UGCG: variants seen among roughly 807,000 people sequenced by gnomAD.
The protein encoded by UGCG is ceramide glucosyltransferase.
A neutral mutation model predicts 49.5 loss-of-function variants in UGCG; 10 were observed. That is an observed-to-expected ratio of 0.20 (90% CI 0.12 to 0.34). The LOEUF (loss-of-function observed/expected upper bound fraction) is 0.34. UGCG is among the 10% of genes least tolerant of loss of function. The pLI is 1.00. For synonymous variants in UGCG, 182 were observed against 158.2 expected, an observed-to-expected ratio of 1.15 and a Z score of -1.13; for missense variants, 312 against 483.7, an observed-to-expected ratio of 0.65 and a Z score of 3.33.
At chr9:111,923,418 G>A (rs1011779485) in intron 3 of UGCG, among the ~76,000 whole-genome samples, 3 of 151,028 alleles carry the variant, frequency 2.0e-5, no homozygotes, top group South Asian at 2.1e-4. Flanking sequence ...CCAGTAAGTC[G>A]TATAAAATGA....
chr9:111,927,747 G>A (rs568516417), intron 5 of UGCG, among the ~76,000 whole-genome samples: 3 of 152,260 alleles, frequency 2.0e-5, no homozygotes, highest in Non-Finnish European at 2.9e-5. Flanking sequence ...CACCACGCCC[G>A]GCAGGAAGTT....
At position 111,922,836 on chromosome 9, in the gene UGCG, G is replaced by A. The variant is rs931243945; in HGVS notation, c.241-13G>A. 6.4e-7 allele frequency: 1 copy of A among 1,565,004 alleles called. No individual in the cohort carries two copies. Among genetic ancestry groups the A allele is most frequent in the Non-Finnish European group, 8.7e-7 (1 of 1,148,250 alleles). ...TTAAAGAATTTAATTTACATACAATGCTTTTTGACTAGTATGAAGTGCTCC... is the reference window on the plus strand; with the variant it reads ...TTAAAGAATTTAATTTACATACAATACTTTTTGACTAGTATGAAGTGCTCC... On this transcript the variant is annotated splice_polypyrimidine_tract_variant and intron_variant, in intron 2 of 8. Coordinates refer to ENST00000374279, the MANE Select transcript of UGCG (RefSeq NM_003358.3).
At position 111,897,340 on chromosome 9, in the gene UGCG, C is replaced by T. The variant is rs201451556; in HGVS notation, c.98+27C>T. The T allele has an allele frequency of 2.0e-4, 306 of 1,531,388 alleles. No homozygotes were observed. The African/African-American group carries it at 3.7e-3, about 19-fold the overall frequency. The allele number at this position is 1,531,388 out of a possible 1,614,324, so 94.9% of individuals were successfully genotyped here. ...TGAGTGAGGGACCGCAGGAGGGGCTCGGGGCAGGGGTCCGGGCCTCGGAGA... is the reference window on the plus strand; with the variant it reads ...TGAGTGAGGGACCGCAGGAGGGGCTTGGGGCAGGGGTCCGGGCCTCGGAGA... On this transcript the variant is annotated intron_variant, in intron 1 of 8. Transcript: ENST00000374279.
At chr9:111,903,801 G>A (rs10981149) in intron 1 of UGCG, among the ~76,000 whole-genome samples, 1,757 of 152,190 alleles carry the variant, frequency 0.012, 43 homozygotes, top group African/African-American at 0.041. Context: ...CCGCCGTGTT[G>A]GCTAGGCTGG....
intron 1 of UGCG, among the ~76,000 whole-genome samples, chr9:111,905,568 G>T (rs940209275): frequency 4.6e-5 from 7 of 151,892 alleles, no homozygotes; most frequent in African/African-American, 1.4e-4. Context: ...CAGTTCTTCT[G>T]CCTCAGCCTC....
At chr9:111,910,490 A>T (rs936308083) in intron 1 of UGCG, among the ~76,000 whole-genome samples, 1 of 152,120 alleles carries the variant, frequency 6.6e-6, no homozygotes, top group Admixed American at 6.5e-5. Flanking sequence ...AGCTTCTTCT[A>T]ATCTAGATGC....
intron 3 of UGCG, 27 bp downstream of exon 3, chr9:111,922,978 T>A: frequency 7.0e-7 from 1 of 1,428,852 alleles, no homozygotes; most frequent in Non-Finnish European, 9.8e-7. Flanking sequence ...GTAGTAACCA[T>A]TTTCCATTGA....
At position 111,929,243 on chromosome 9, in the gene UGCG, TTA is replaced by T. The variant is rs1838377562; in HGVS notation, c.559-251_559-250del. On this transcript the variant is annotated intron_variant, in intron 5 of 8. Coordinates refer to ENST00000374279, the MANE Select transcript of UGCG (RefSeq NM_003358.3). The stretch of plus-strand genomic sequence containing the variant: ...GATACATTGAATATTTGTTAATATT[TTA>T]TATATCAATGAGTGATATTTTTACC... 4.3e-5 allele frequency: 14 copies of T among 328,780 alleles called. 1 individual carries two copies. In the South Asian group the frequency reaches 6.2e-4, roughly 14 times the overall value. The allele number at this position is 328,780 out of a possible 1,614,324, so 20.4% of individuals were successfully genotyped here.
intron 2 of UGCG, chr9:111,914,958 C>G (rs1838086644): frequency 3.7e-6 from 2 of 536,094 alleles, no homozygotes; most frequent in African/African-American, 1.9e-5. Context: ...ACCTATATGT[C>G]CGTGTGAAGT....
intron 3 of UGCG, among the ~76,000 whole-genome samples, chr9:111,923,757 T>A (rs1320882319): frequency 6.6e-6 from 1 of 152,114 alleles, no homozygotes; most frequent in Non-Finnish European, 1.5e-5. Context: ...TTCAGCCTCC[T>A]GAGCAGCTGG....
chr9:111,926,784 T>C (rs1406807379), intron 5 of UGCG, among the ~76,000 whole-genome samples: 1 of 151,746 alleles, frequency 6.6e-6, no homozygotes, highest in Non-Finnish European at 1.5e-5. Flanking sequence ...ATTCACTTCC[T>C]GTTCTAGAGT....
At chr9:111,921,873 C>T (rs1227315947) in intron 2 of UGCG, among the ~76,000 whole-genome samples, 1 of 123,416 alleles carries the variant, frequency 8.1e-6, no homozygotes, top group East Asian at 2.8e-4. Context: ...TGTAGTGGCG[C>T]AGTCTTCGGC....
chr9:111,933,096 A>G lies in UGCG; in HGVS notation c.*99A>G, dbSNP rs1838456366. ...AATCTACCTTCTGTAGTTTTATCAC[A>G]TGTATGTTTTGGTATCTGTTCTTTA... On this transcript the variant is annotated 3_prime_UTR_variant, in exon 9 of 9. Transcript: ENST00000374279. 3 of 1,141,342 alleles carry G rather than the reference A, an allele frequency of 2.6e-6. No homozygotes were observed. Among genetic ancestry groups the G allele is most frequent in the Non-Finnish European group, 3.4e-6 (3 of 892,250 alleles). The allele number at this position is 1,141,342 out of a possible 1,614,324, so 70.7% of individuals were successfully genotyped here.
intron 7 of UGCG, 102 bp downstream of exon 7, chr9:111,931,459 T>C: frequency 9.6e-7 from 1 of 1,040,500 alleles, no homozygotes; most frequent in South Asian, 1.6e-5. Flanking sequence ...TACCTAAAGG[T>C]TGAAGATTTT....
chr9:111,927,690 A>T (rs971126743), intron 5 of UGCG, among the ~76,000 whole-genome samples: 1 of 152,042 alleles, frequency 6.6e-6, no homozygotes, highest in African/African-American at 2.4e-5. Flanking sequence ...TGACCTCGTG[A>T]TCCACCCTCC....
chr9:111,929,790 T>C, intron 6 of UGCG, 112 bp downstream of exon 6: 1 of 1,267,238 alleles, frequency 7.9e-7, no homozygotes, highest in East Asian at 2.5e-5. Flanking sequence ...TTTTTTTTGC[T>C]AGTAAGTACA....
Position 111,932,785 on chromosome 9 carries a change from T to G in UGCG, c.1015-42T>G, listed in dbSNP as rs979276559. 4.0e-6 allele frequency: 6 copies of G among 1,488,896 alleles called. No individual in the cohort carries two copies. The African/African-American group carries it at 7.1e-5, about 18-fold the overall frequency. The allele number at this position is 1,488,896 out of a possible 1,614,324, so 92.2% of individuals were successfully genotyped here. A position where few individuals can be genotyped will look rare whatever the true frequency, so the allele number is the denominator to read the frequency against. Reference sequence around the variant, plus strand: ...TAATTTTTTAACCTTGTCTTTAGTTTGACAGTGAGTGAAATTAAAAAATTT... The same window carrying G: ...TAATTTTTTAACCTTGTCTTTAGTTGGACAGTGAGTGAAATTAAAAAATTT... On this transcript the variant is annotated intron_variant, in intron 8 of 8. Coordinates refer to ENST00000374279, the MANE Select transcript of UGCG (RefSeq NM_003358.3).
chr9:111,907,526 A>AT (rs1214405883), intron 1 of UGCG, among the ~76,000 whole-genome samples: 1 of 151,984 alleles, frequency 6.6e-6, no homozygotes, highest in Non-Finnish European at 1.5e-5. Context: ...ATGCTTGGAA[A>AT]TTTTTTAATA....
At chr9:111,923,876 C>T (rs372943773) in intron 3 of UGCG, among the ~76,000 whole-genome samples, 12 of 152,330 alleles carry the variant, frequency 7.9e-5, no homozygotes, top group East Asian at 5.8e-4. Flanking sequence ...GGTGATCCAC[C>T]TGCCTCGGCC....
Sources: allele counts gnomAD v4.1 joint callset (sites outside exome capture counted in the v4.1 genomes callset), GRCh38; gene constraint gnomAD v4.1.1; transcripts MANE v1.5; gene names NCBI Gene and HGNC (gene_info 2026-07-23, HGNC 2026-07-21).